Variants in C1orf174 observed in about 807,000 individuals in gnomAD.
C1orf174 encodes the protein chromosome 1 open reading frame 174.
C1orf174 carries 13 observed loss-of-function variants against 18.4 expected under a neutral mutation model. That is an observed-to-expected ratio of 0.71 (90% CI 0.46 to 1.12). The LOEUF is 1.12. C1orf174 is among the 50% of genes most tolerant of loss of function. The pLI is 0.00. For synonymous variants in C1orf174, 100 were observed against 118.3 expected (o/e 0.85, Z 1.01); for missense variants, 309 against 308.0 (o/e 1.00, Z -0.02).
At chr1:3,898,366 C>T (rs761595370) in intron 1 of C1orf174, among the ~76,000 whole-genome samples, 6 of 152,068 alleles carry the variant, frequency 3.9e-5, no homozygotes, top group African/African-American at 9.7e-5. Flanking sequence ...AAAAATTAGC[C>T]GGGCGTAGTG....
chr1:3,889,877 C>T lies in C1orf174; in HGVS notation c.*83G>A, dbSNP rs971586471. ...TGATTAAGACATTCTCTTGGAGATA[C>T]ATTTTATATAAATCTTGTAATGTGC... On this transcript the variant is annotated 3_prime_UTR_variant, in exon 4 of 4. Transcript: ENST00000361605. 5 of 1,224,500 alleles carry T rather than the reference C, an allele frequency of 4.1e-6. No individual in the cohort carries two copies. Among genetic ancestry groups the T allele is most frequent in the Non-Finnish European group, 6.0e-6 (5 of 828,038 alleles). 75.9% of individuals were successfully genotyped at this position (1,224,500 alleles called of 1,614,324 possible).
chr1:3,897,652 A>T (rs1349519170), intron 1 of C1orf174, among the ~76,000 whole-genome samples: 1 of 152,186 alleles, frequency 6.6e-6, no homozygotes, highest in Non-Finnish European at 1.5e-5. Context: ...GAAAAACATT[A>T]ACCTATATAT....
chr1:3,899,407 G>A (rs1638665890), intron 1 of C1orf174, among the ~76,000 whole-genome samples: 1 of 152,182 alleles, frequency 6.6e-6, no homozygotes, highest in Non-Finnish European at 1.5e-5. Context: ...CCTCCCAAGT[G>A]GACCGGGACC....
Position 3,892,867 on chromosome 1 carries a change from C to A in C1orf174, c.129+16G>T. On this transcript the variant is annotated intron_variant, in intron 2 of 3. Transcript: ENST00000361605. ...CGAGTCAGGATCTTGGCGTTCTCCACGGTAACAGGGCTCACCAGACATGCT... is the reference window on the plus strand; with the variant it reads ...CGAGTCAGGATCTTGGCGTTCTCCAAGGTAACAGGGCTCACCAGACATGCT... The A allele has an allele frequency of 6.2e-7, 1 of 1,612,974 alleles. No individual in the cohort carries two copies.
rs186735710 is a variant in C1orf174 at position 3,895,897 on chromosome 1, T to A, written c.16-2901A>T. On this transcript the variant is annotated intron_variant, in intron 1 of 3. Coordinates refer to ENST00000361605, the MANE Select transcript of C1orf174 (RefSeq NM_207356.3). ...CTGGCCGAGACTGACTTCAACATGA[T>A]GGCTCGAGGAGCTTCACTGACCTTC... 1.8e-4 allele frequency: 27 copies of A among 152,428 alleles called. No homozygotes were observed. In the East Asian group the frequency reaches 5.2e-3, roughly 29 times the overall value. 9.4% of individuals were successfully genotyped at this position (152,428 alleles called of 1,614,324 possible). A position where few individuals can be genotyped will look rare whatever the true frequency, so the allele number is the denominator to read the frequency against.
intron 1 of C1orf174, among the ~76,000 whole-genome samples, chr1:3,898,562 T>C: frequency 6.8e-6 from 1 of 146,182 alleles, no homozygotes; most frequent in South Asian, 2.2e-4. Flanking sequence ...CAAAACTCAC[T>C]TTACAAGAAA....
At chr1:3,897,231 T>C (rs1299647689) in intron 1 of C1orf174, among the ~76,000 whole-genome samples, 1 of 152,126 alleles carries the variant, frequency 6.6e-6, no homozygotes, top group African/African-American at 2.4e-5. Flanking sequence ...GATTTATACA[T>C]ATATAAAGGA....
chr1:3,890,196 A>C, intron 3 of C1orf174, 123 bp from the exon 4 acceptor site: 1 of 743,288 alleles, frequency 1.3e-6, no homozygotes, highest in Non-Finnish European at 2.3e-6. Context: ...GACGTGTGAA[A>C]ATGCCTGAGT....
At chr1:3,892,742 T>C in intron 2 of C1orf174, 141 bp downstream of exon 2, 1 of 1,470,030 alleles carries the variant, frequency 6.8e-7, no homozygotes, top group Middle Eastern at 1.8e-4. Flanking sequence ...TGCTGTCACC[T>C]TTTCATCTGC....
Position 3,893,807 on chromosome 1 carries a change from G to A in C1orf174, c.16-811C>T, listed in dbSNP as rs1638555759. Among the ~76,000 whole-genome samples the A allele has an allele frequency of 2.0e-5, 3 of 152,196 alleles. No individual in the cohort carries two copies. The South Asian group carries it at 6.2e-4, about 31-fold the overall frequency. Reference sequence around the variant, plus strand: ...AGCTATGTGGGAGGCTGAGGTGAGAGGATCACTTGATCCCAGGAGTCTGAG... The same window carrying A: ...AGCTATGTGGGAGGCTGAGGTGAGAAGATCACTTGATCCCAGGAGTCTGAG... On this transcript the variant is annotated intron_variant, in intron 1 of 3. Transcript: ENST00000361605.
At position 3,890,073 on chromosome 1, in the gene C1orf174, C is replaced by A; in HGVS notation, c.619G>T (p.Asp207Tyr). Residue 207 changes from aspartate (D) to tyrosine (Y), a missense_variant and splice_region_variant, in exon 4 of 4, where the codon GAC becomes TAC. Asp to Tyr is a radical substitution (Grantham distance 160). Transcript: ENST00000361605. ...CAAGATGAAGACGCAGGTGGGAGGTCCTTAGTGGAGAAGAAAACATGACTT... is the reference window on the plus strand; with the variant it reads ...CAAGATGAAGACGCAGGTGGGAGGTACTTAGTGGAGAAGAAAACATGACTT... Reference protein sequence around the residue: ...RFFGNVELMQDLPPASSSCPS... With the variant: ...RFFGNVELMQYLPPASSSCPS... The A allele has an allele frequency of 6.2e-7, 1 of 1,612,958 alleles. No homozygotes were observed. Among genetic ancestry groups the A allele is most frequent in the Non-Finnish European group, 8.5e-7 (1 of 1,178,950 alleles).
chr1:3,890,481 T>C, intron 3 of C1orf174, 88 bp downstream of exon 3: 1 of 1,521,020 alleles, frequency 6.6e-7, no homozygotes, highest in Non-Finnish European at 8.9e-7. Context: ...GTCGAGGCAT[T>C]ATTTACCTGC....
chr1:3,891,171 C>G, intron 2 of C1orf174, 114 bp from the exon 3 acceptor site: 3 of 1,303,136 alleles, frequency 2.3e-6, no homozygotes, highest in Non-Finnish European at 3.1e-6. Flanking sequence ...GCTGTGACCA[C>G]AACTTTCACA....
intron 1 of C1orf174, among the ~76,000 whole-genome samples, chr1:3,897,885 A>C (rs1638634931): frequency 6.6e-6 from 1 of 152,104 alleles, no homozygotes; most frequent in Admixed American, 6.5e-5. Context: ...GGATGGTATC[A>C]ATCTCCTGAC....
In C1orf174 at chr1:3,900,213, G is replaced by GCGCGCCCCGGCCAA; in HGVS notation, c.-41_-28dup. The GCGCGCCCCGGCCAA allele has an allele frequency of 6.4e-7, 1 of 1,564,672 alleles. No homozygotes were observed. Reference sequence around the variant, plus strand: ...AGTGTGAGCACCGCAGCCAAGCACCGCGCGCCCCGGCCAACGCGTCCCGGC... The same window carrying GCGCGCCCCGGCCAA: ...AGTGTGAGCACCGCAGCCAAGCACCGCGCGCCCCGGCCAACGCGCCCCGGCCAACGCGTCCCGGC... On this transcript the variant is annotated 5_prime_UTR_variant, in exon 1 of 4. Coordinates refer to ENST00000361605, the MANE Select transcript of C1orf174 (RefSeq NM_207356.3).
In C1orf174 at chr1:3,900,193, GAGCACCGCAGCCA is replaced by G; in HGVS notation, c.-20_-8del. On this transcript the variant is annotated 5_prime_UTR_variant, in exon 1 of 4. Coordinates refer to ENST00000361605, the MANE Select transcript of C1orf174 (RefSeq NM_207356.3). ...TCACCTTCCGGCTCCTCATGAGTGT[GAGCACCGCAGCCA>G]AGCACCGCGCGCCCCGGCCAACGCG... The G allele has an allele frequency of 1.3e-6, 2 of 1,584,010 alleles. No homozygotes were observed. The highest frequency in any genetic ancestry group is 1.7e-6 in the Non-Finnish European group (2 of 1,173,982).
Sources: gnomAD v4.1 joint callset for allele counts (sites outside exome capture counted in the v4.1 genomes callset) on GRCh38, gnomAD v4.1.1 for gene constraint, MANE v1.5 for transcripts, NCBI Gene and HGNC (gene_info 2026-07-23, HGNC 2026-07-21) for gene names.